PPT2: variants seen among roughly 807,000 people sequenced by gnomAD.
The protein encoded by PPT2 is palmitoyl-protein thioesterase 2, also known as lysosomal thioesterase PPT2.
In PPT2, 20 loss-of-function variants were observed where a neutral mutation model predicts 37.3. The ratio of observed to expected loss-of-function variants is 0.54; its 90% confidence interval spans 0.38 to 0.78. The LOEUF is 0.78. PPT2 is among the 30% of genes least tolerant of loss of function. PPT2 has a pLI of 0.00. For missense variants in PPT2, 270 were observed against 389.8 expected, an observed-to-expected ratio of 0.69 and a Z score of 2.59; for synonymous variants, 135 against 159.1, an observed-to-expected ratio of 0.85 and a Z score of 1.14.
chr6:32,154,259 A>C lies in PPT2; in HGVS notation c.-154A>C. On this transcript the variant is annotated 5_prime_UTR_variant, in exon 1 of 9. Coordinates refer to ENST00000324816, the MANE Select transcript of PPT2 (RefSeq NM_005155.7). This position sits in a 1 kb window ranked among gnomAD's most constrained non-coding sequence, Gnocchi z 7.3. ...GGACCCAGGCCAGGTGGGAGTCTGC[A>C]CTCTTCAAGGGGCCTGGGCTGCTGC... 1 of 1,257,706 alleles carries C rather than the reference A, an allele frequency of 8.0e-7. No homozygotes were observed. Among genetic ancestry groups the C allele is most frequent in the Admixed American group, 3.9e-5 (1 of 25,404 alleles). 77.9% of individuals were successfully genotyped at this position (1,257,706 alleles called of 1,614,324 possible).
rs1288925748 is a variant in PPT2 at position 32,155,011 on chromosome 6, C to T, written c.184-19C>T. The T allele has an allele frequency of 1.9e-6, 3 of 1,611,994 alleles. No individual in the cohort carries two copies. In the African/African-American group the frequency reaches 4.0e-5, roughly 22 times the overall value. ...CTTCTTAGCCTATCCCCGGTGGCTG[C>T]ATTGCCCCCTTCCCACAGACACACC... On this transcript the variant is annotated intron_variant, in intron 2 of 8. Transcript: ENST00000324816. This position sits in a 1 kb window ranked among gnomAD's most constrained non-coding sequence, Gnocchi z 4.3.
At chr6:32,158,017 C>T in intron 7 of PPT2, 93 bp downstream of exon 7, 1 of 1,125,886 alleles carries the variant, frequency 8.9e-7, no homozygotes, top group Non-Finnish European at 1.3e-6. Context: ...CTGCTCCTTC[C>T]ACTGTTCAGT....
chr6:32,157,415 G>A, intron 5 of PPT2: 3 of 586,790 alleles, frequency 5.1e-6, no homozygotes, highest in South Asian at 2.0e-5. Flanking sequence ...GTTTCGCCAT[G>A]TTAGCCAGGC....
At chr6:32,157,475 A>G in intron 5 of PPT2, 162 bp from the exon 6 acceptor site, 2 of 637,442 alleles carry the variant, frequency 3.1e-6, no homozygotes, top group Non-Finnish European at 5.6e-6. Context: ...TACCTCCCAA[A>G]GTGCTGGGAT....
intron 7 of PPT2, among the ~76,000 whole-genome samples, chr6:32,160,266 C>T (rs892026195): frequency 1.3e-5 from 2 of 151,220 alleles, no homozygotes; most frequent in African/African-American, 4.9e-5. Flanking sequence ...AGGATGGTTT[C>T]GATCTCCTGA....
intron 7 of PPT2, among the ~76,000 whole-genome samples, chr6:32,160,366 A>G (rs2127394558): frequency 6.6e-6 from 1 of 151,170 alleles, no homozygotes; most frequent in East Asian, 2.0e-4. Context: ...ATATTTTTTA[A>G]TTAAAAGATT....
At position 32,162,809 on chromosome 6, in the gene PPT2, T is replaced by A. The variant is rs1267471889; in HGVS notation, c.768T>A (p.Val256=). ...ACGCCCCTTCGACCACCTTGAAGGT[T>A]TATCTGCGGGATTCTTTTGGGTTGA... ...ETVLEMEEQL[V]YLRDSFGLKT... Residue 256 remains valine (V), a splice_region_variant and synonymous_variant, in exon 9 of 9, where the codon GTT becomes GTA. Transcript: ENST00000324816. This position sits in a 1 kb window ranked among gnomAD's most constrained non-coding sequence, Gnocchi z 5.5. The A allele has an allele frequency of 1.9e-6, 3 of 1,613,268 alleles. No homozygotes were observed. The highest frequency in any genetic ancestry group is 2.5e-6 in the Non-Finnish European group (3 of 1,179,664).
In PPT2 at chr6:32,156,766, T is replaced by A. The variant is rs432953; in HGVS notation, c.541+788T>A. Among the ~76,000 whole-genome samples the A allele has an allele frequency of 0.13, 19,960 of 152,108 alleles. 1,681 individuals are homozygous for A. Among genetic ancestry groups the A allele is most frequent in the South Asian group, 0.27 (1,279 of 4,816 alleles). On this transcript the variant is annotated intron_variant, in intron 5 of 8. Transcript: ENST00000324816. This position sits in a 1 kb window ranked among gnomAD's most constrained non-coding sequence, Gnocchi z 4.9. ...GTTACTTAACCATTCTGTTACTCAGTTTTCCTTATCTGTAAAATATTATAG... is the reference window on the plus strand; with the variant it reads ...GTTACTTAACCATTCTGTTACTCAGATTTCCTTATCTGTAAAATATTATAG...
rs1388558828 is a variant in PPT2 at position 32,155,510 on chromosome 6, C to G, written c.338-178C>G. ...CTCAGTCACTTATATGATGTGTGACCTTTTGGCACAGGGTGTGCCTGCCTT... is the reference window on the plus strand; with the variant it reads ...CTCAGTCACTTATATGATGTGTGACGTTTTGGCACAGGGTGTGCCTGCCTT... On this transcript the variant is annotated intron_variant, in intron 3 of 8. Coordinates refer to ENST00000324816, the MANE Select transcript of PPT2 (RefSeq NM_005155.7). This position sits in a 1 kb window ranked among gnomAD's most constrained non-coding sequence, Gnocchi z 4.3. Among the ~76,000 whole-genome samples, 2 of 150,414 alleles carry G rather than the reference C, an allele frequency of 1.3e-5. No individual in the cohort carries two copies. Among genetic ancestry groups the G allele is most frequent in the African/African-American group, 4.9e-5 (2 of 40,672 alleles).
In PPT2 at chr6:32,155,601, T is replaced by G. The variant is rs1783728613; in HGVS notation, c.338-87T>G. 1 of 813,972 alleles carries G rather than the reference T, an allele frequency of 1.2e-6. No homozygotes were observed. The highest frequency in any genetic ancestry group is 2.1e-6 in the Non-Finnish European group (1 of 484,030). 50.4% of individuals were successfully genotyped at this position (813,972 alleles called of 1,614,324 possible). ...GTGTGTCTCTGTGTGTGTGTGTGTG[T>G]GTGTGTGTGTGTGTGTGGTGGGGGT... On this transcript the variant is annotated intron_variant, in intron 3 of 8. Coordinates refer to ENST00000324816, the MANE Select transcript of PPT2 (RefSeq NM_005155.7). This position sits in a 1 kb window ranked among gnomAD's most constrained non-coding sequence, Gnocchi z 4.3.
rs565516301 is a variant in PPT2, at chr6:32,160,507, TA to T, written c.711-2056del. 8.1e-4 allele frequency among the ~76,000 whole-genome samples: 123 copies of T among 151,184 alleles called. 1 individual carries two copies. Among genetic ancestry groups the T allele is most frequent in the African/African-American group, 2.8e-3 (115 of 41,312 alleles). On this transcript the variant is annotated intron_variant, in intron 7 of 8. Transcript: ENST00000324816. ...TAACATTGAGAAACCCCATCTCTAC[TA>T]AAAATACAAAAATTAGTGGGCCTGG...
At chr6:32,153,593 T>A, upstream of PPT2, 8 of 1,591,052 alleles carry the variant, frequency 5.0e-6, no homozygotes, top group Non-Finnish European at 6.8e-6. This position sits in a 1 kb window ranked among gnomAD's most constrained non-coding sequence, Gnocchi z 4.4. Flanking sequence ...ACTCTCTGCG[T>A]CTCTGGAGAC....
rs1784274021 is a variant in PPT2, at chr6:32,163,086, G to A, written c.*136G>A. The A allele has an allele frequency of 9.2e-7, 1 of 1,089,312 alleles. No homozygotes were observed. The highest frequency in any genetic ancestry group is 1.6e-5 in the South Asian group (1 of 63,658). 67.5% of individuals were successfully genotyped at this position (1,089,312 alleles called of 1,614,324 possible). ...TATCCCCCATTTTTAGTAGAGACGG[G>A]GTTTTAGTAGAGACTTGGCCTCCCA... On this transcript the variant is annotated 3_prime_UTR_variant, in exon 9 of 9. Transcript: ENST00000324816.
In PPT2 at chr6:32,154,873, C is replaced by T; in HGVS notation, c.183+96C>T. 1.3e-6 allele frequency: 2 copies of T among 1,531,918 alleles called. No individual in the cohort carries two copies. Among genetic ancestry groups the T allele is most frequent in the Non-Finnish European group, 1.8e-6 (2 of 1,127,616 alleles). The allele number at this position is 1,531,918 out of a possible 1,614,324, so 94.9% of individuals were successfully genotyped here. Reference sequence around the variant, plus strand: ...CTGAAAGCCACCCCTCTGGGCCTGCCCAGTTCCTCAGGGAGCTGGTGCTGG... The same window carrying T: ...CTGAAAGCCACCCCTCTGGGCCTGCTCAGTTCCTCAGGGAGCTGGTGCTGG... On this transcript the variant is annotated intron_variant, in intron 2 of 8. Transcript: ENST00000324816. The surrounding 1 kb of genome is among the most constrained non-coding windows in gnomAD (Gnocchi z 7.3).
At chr6:32,159,164 G>A (rs1367716297) in intron 7 of PPT2, among the ~76,000 whole-genome samples, 1 of 151,954 alleles carries the variant, frequency 6.6e-6, no homozygotes, top group African/African-American at 2.4e-5. Context: ...ACTGGGTGTG[G>A]TGGCTCACGC....
upstream of PPT2, chr6:32,153,797 G>A (rs1234016574): frequency 1.8e-6 from 2 of 1,082,514 alleles, no homozygotes; most frequent in Non-Finnish European, 2.6e-6. This position sits in a 1 kb window ranked among gnomAD's most constrained non-coding sequence, Gnocchi z 4.4. Context: ...GCCGCCCCTT[G>A]GGGAATGCAA....
intron 5 of PPT2, 57 bp from the exon 6 acceptor site, chr6:32,157,580 C>T: frequency 7.0e-7 from 1 of 1,427,728 alleles, no homozygotes; most frequent in Non-Finnish European, 9.9e-7. Context: ...TTGGGCTTTT[C>T]ACCACCAGTC....
Position 32,154,681 on chromosome 6 carries a change from C to T in PPT2, c.87C>T (p.Pro29=), listed in dbSNP as rs775458858. 6.2e-7 allele frequency: 1 copy of T among 1,613,064 alleles called. No individual in the cohort carries two copies. Among genetic ancestry groups the T allele is most frequent in the Non-Finnish European group, 8.5e-7 (1 of 1,180,008 alleles). ...TGCCGCTGCTGCTGCTTGCAGCCCCCGCGCCCCACCGCGCGTCCTACAAGC... is the reference window on the plus strand; with the variant it reads ...TGCCGCTGCTGCTGCTTGCAGCCCCTGCGCCCCACCGCGCGTCCTACAAGC... ...PFLPLLLLAA[P]APHRASYKPV... The change falls in exon 2 of 9, where the codon CCC becomes CCT. Residue 29 remains proline (P), a synonymous_variant. Transcript: ENST00000324816. This position sits in a 1 kb window ranked among gnomAD's most constrained non-coding sequence, Gnocchi z 7.3.
rs1402933443 is a variant in PPT2, at chr6:32,162,684, CT to C, written c.765+63del. On this transcript the variant is annotated intron_variant, in intron 8 of 8. Coordinates refer to ENST00000324816, the MANE Select transcript of PPT2 (RefSeq NM_005155.7). The surrounding 1 kb of genome is among the most constrained non-coding windows in gnomAD (Gnocchi z 5.5). ...GTCCCACCTTATTCCAGAGCCCTCT[CT>C]GTGACTCCTGAGCTGAAGGGTTCAC... The C allele has an allele frequency of 1.3e-6, 2 of 1,573,806 alleles. No individual in the cohort carries two copies. The highest frequency in any genetic ancestry group is 2.7e-5 in the African/African-American group (2 of 73,928).
Sources: allele counts gnomAD v4.1 joint callset (sites outside exome capture counted in the v4.1 genomes callset), GRCh38; gene constraint gnomAD v4.1.1; non-coding constraint Gnocchi (gnomAD v3.1); transcripts MANE v1.5; gene names NCBI Gene and HGNC (gene_info 2026-07-23, HGNC 2026-07-21).